Variants in C1orf94 observed in about 807,000 individuals in gnomAD.
C1orf94 encodes uncharacterized protein C1orf94.
In C1orf94, 45 loss-of-function variants were observed where a neutral mutation model predicts 53.6. The observed-to-expected ratio is 0.84, with a 90% CI of 0.66 to 1.08. C1orf94 has a LOEUF of 1.08. Among genes scored for constraint, C1orf94 ranks in the 50% least tolerant of loss-of-function variants. The probability of loss-of-function intolerance (pLI) is 0.00; values close to 1 mark genes in which losing one functional copy is unlikely to be tolerated. For synonymous variants in C1orf94, 304 were observed against 296.1 expected (o/e 1.03, Z -0.27); for missense variants, 762 against 738.9 (o/e 1.03, Z -0.36).
intron 5 of C1orf94, among the ~76,000 whole-genome samples, chr1:34,208,564 T>C (rs557521983): frequency 6.6e-6 from 1 of 152,296 alleles, no homozygotes; most frequent in South Asian, 2.1e-4. Context: ...GTAAGTAACT[T>C]GCCCAAAGTA....
At chr1:34,213,924 T>G (rs1456548303) in intron 6 of C1orf94, among the ~76,000 whole-genome samples, 1 of 152,004 alleles carries the variant, frequency 6.6e-6, no homozygotes, top group Non-Finnish European at 1.5e-5. Flanking sequence ...TCTCCCTCCC[T>G]TTCTCTTCCT....
At chr1:34,183,856 CA>C (rs1282682531) in intron 1 of C1orf94, among the ~76,000 whole-genome samples, 1,919 of 105,084 alleles carry the variant, frequency 0.018, 28 homozygotes, top group African/African-American at 0.052. Context: ...AACTCCGTCT[CA>C]AAAAAAAAAA....
rs759187584 is a variant in C1orf94 at position 34,197,622 on chromosome 1, C to T, written c.718C>T (p.Leu240=). The T allele has an allele frequency of 1.2e-6, 2 of 1,614,182 alleles. No individual in the cohort carries two copies. Among genetic ancestry groups the T allele is most frequent in the South Asian group, 1.1e-5 (1 of 91,088 alleles). The change falls in exon 2 of 7, where the codon CTG becomes TTG. Residue 240 remains leucine (L), a synonymous_variant. Coordinates refer to ENST00000488417, the MANE Select transcript of C1orf94 (RefSeq NM_001134734.2). The surrounding 1 kb of genome is among the most constrained non-coding windows in gnomAD (Gnocchi z 4.1). The part of the protein sequence containing the change: ...GDSNLQVSKL[L]SQFPLKSTET... Reference sequence around the variant, plus strand: ...CTCCAACTTGCAAGTCAGCAAGCTTCTGTCCCAGTTCCCACTGAAGTCCAC... The same window carrying T: ...CTCCAACTTGCAAGTCAGCAAGCTTTTGTCCCAGTTCCCACTGAAGTCCAC...
In C1orf94 at chr1:34,197,605, T is replaced by G. The variant is rs765568498; in HGVS notation, c.701T>G (p.Leu234Trp). Residue 234 changes from leucine to tryptophan, a missense_variant, in exon 2 of 7, where the codon TTG becomes TGG. Transcript: ENST00000488417. This position sits in a 1 kb window ranked among gnomAD's most constrained non-coding sequence, Gnocchi z 4.1. ...DRGRILGDSNLQVSKLLSQFP... is the reference protein window; with the variant it reads ...DRGRILGDSNWQVSKLLSQFP... Reference sequence around the variant, plus strand: ...GGCCGCATCCTAGGTGACTCCAACTTGCAAGTCAGCAAGCTTCTGTCCCAG... The same window carrying G: ...GGCCGCATCCTAGGTGACTCCAACTGGCAAGTCAGCAAGCTTCTGTCCCAG... 3.7e-6 allele frequency: 6 copies of G among 1,614,098 alleles called. No homozygotes were observed. The Admixed American group carries it at 1.0e-4, about 27-fold the overall frequency.
intron 4 of C1orf94, among the ~76,000 whole-genome samples, chr1:34,204,277 A>G (rs990710178): frequency 6.6e-6 from 1 of 152,152 alleles, no homozygotes; most frequent in African/African-American, 2.4e-5. Flanking sequence ...TTAGTTTCTG[A>G]ATCTTAAAGG....
upstream of C1orf94, among the ~76,000 whole-genome samples, chr1:34,172,668 C>A (rs1642166026): frequency 6.6e-6 from 1 of 152,234 alleles, no homozygotes; most frequent in African/African-American, 2.4e-5. Context: ...TGGCAGAGAT[C>A]ACCGATGGTG....
chr1:34,169,266 A>G (rs757856002), intron 1 of C1orf94, among the ~76,000 whole-genome samples: 5 of 152,280 alleles, frequency 3.3e-5, no homozygotes, highest in East Asian at 3.9e-4. Context: ...AGTCAAAGAC[A>G]TAACAGCCTA....
rs111962268 is a variant in C1orf94, at chr1:34,185,952, G to T, written c.320+7843G>T. 2.0e-3 allele frequency among the ~76,000 whole-genome samples: 302 copies of T among 152,350 alleles called. 2 individuals are homozygous for T. Among genetic ancestry groups the T allele is most frequent in the African/African-American group, 6.7e-3 (279 of 41,586 alleles). ...TGCATGTCACCTTGCCTTTGCTCAT[G>T]TTATTCCACTACCAGGAATGCCCTT... On this transcript the variant is annotated intron_variant, in intron 1 of 6. Coordinates refer to ENST00000488417, the MANE Select transcript of C1orf94 (RefSeq NM_001134734.2).
chr1:34,174,617 A>G (rs1003611261), upstream of C1orf94, among the ~76,000 whole-genome samples: 1 of 152,218 alleles, frequency 6.6e-6, no homozygotes, highest in Admixed American at 6.5e-5. Flanking sequence ...TACAGGGAAG[A>G]CCATGTGAGG....
intron 1 of C1orf94, among the ~76,000 whole-genome samples, chr1:34,182,119 A>G (rs1424514151): frequency 6.6e-6 from 1 of 152,242 alleles, no homozygotes; most frequent in Non-Finnish European, 1.5e-5. Context: ...ACTTGAGCTC[A>G]GGAAAGTCGA....
chr1:34,185,713 C>T (rs1008080574), intron 1 of C1orf94, among the ~76,000 whole-genome samples: 2 of 152,176 alleles, frequency 1.3e-5, no homozygotes, highest in Admixed American at 6.5e-5. Flanking sequence ...GCATTGGGTG[C>T]CTTTCCCTCC....
chr1:34,174,938 C>A (rs1571332924), upstream of C1orf94, among the ~76,000 whole-genome samples: 1 of 152,186 alleles, frequency 6.6e-6, no homozygotes, highest in Non-Finnish European at 1.5e-5. Flanking sequence ...AATATGGTAG[C>A]CACTAGCCAT....
At chr1:34,169,202 G>A (rs1642097839) in intron 1 of C1orf94, among the ~76,000 whole-genome samples, 1 of 152,132 alleles carries the variant, frequency 6.6e-6, no homozygotes, top group Non-Finnish European at 1.5e-5. Context: ...AAACATGGGG[G>A]CAAAGGCAGA....
rs1557475443 is a variant in C1orf94, at chr1:34,177,074, G to C, written c.-716G>C. Among the ~76,000 whole-genome samples, 1 of 152,250 alleles carries C rather than the reference G, an allele frequency of 6.6e-6. No homozygotes were observed. The highest frequency in any genetic ancestry group is 2.4e-5 in the African/African-American group (1 of 41,468). Reference sequence around the variant, plus strand: ...CTGGGCCCTTCCCGGTGCCCGCCTGGCAGCGCGGCGCGGCTGGGGCAGGGG... The same window carrying C: ...CTGGGCCCTTCCCGGTGCCCGCCTGCCAGCGCGGCGCGGCTGGGGCAGGGG... On this transcript the variant is annotated 5_prime_UTR_variant, in exon 1 of 7. Transcript: ENST00000488417.
At position 34,197,521 on chromosome 1, in the gene C1orf94, C is replaced by T. The variant is rs1351922249; in HGVS notation, c.617C>T (p.Thr206Ile). Reference sequence around the variant, plus strand: ...CAGGACTGTGATTCTGCCACTTCTACTGTCACAGACATTCTGTGTGCCGCC... The same window carrying T: ...CAGGACTGTGATTCTGCCACTTCTATTGTCACAGACATTCTGTGTGCCGCC... ...SRQDCDSATS[T>I]VTDILCAAEV... Residue 206 changes from threonine (T) to isoleucine (I), a missense_variant, in exon 2 of 7, where the codon ACT becomes ATT. Physicochemically the swap from Thr to Ile is moderately conservative, Grantham distance 89. Coordinates refer to ENST00000488417, the MANE Select transcript of C1orf94 (RefSeq NM_001134734.2). This position sits in a 1 kb window ranked among gnomAD's most constrained non-coding sequence, Gnocchi z 4.1. The T allele has an allele frequency of 6.2e-7, 1 of 1,614,164 alleles. No homozygotes were observed. Among genetic ancestry groups the T allele is most frequent in the Admixed American group, 1.7e-5 (1 of 60,028 alleles).
At chr1:34,213,844 AC>A (rs779139967) in intron 6 of C1orf94, among the ~76,000 whole-genome samples, 16 of 151,786 alleles carry the variant, frequency 1.1e-4, no homozygotes, top group Non-Finnish European at 1.9e-4. Flanking sequence ...CCCAGCATCC[AC>A]ATCCTTTTAA....
chr1:34,193,483 C>T (rs1459375818), intron 1 of C1orf94, among the ~76,000 whole-genome samples: 3 of 152,154 alleles, frequency 2.0e-5, no homozygotes, highest in Non-Finnish European at 2.9e-5. Flanking sequence ...TTCCTGAGTG[C>T]ATTCAGATTG....
At chr1:34,175,779 T>C (rs1642215809), upstream of C1orf94, among the ~76,000 whole-genome samples, 1 of 152,082 alleles carries the variant, frequency 6.6e-6, no homozygotes, top group Non-Finnish European at 1.5e-5. Context: ...ATTCCTCTCA[T>C]CCTTCTCAAA....
chr1:34,185,600 C>T (rs113564404), intron 1 of C1orf94, among the ~76,000 whole-genome samples: 3,496 of 152,298 alleles, frequency 0.023, 142 homozygotes, highest in African/African-American at 0.08. Flanking sequence ...CTTCCCTCCT[C>T]CAGCCTGCCA....
Sources: allele counts gnomAD v4.1 joint callset (sites outside exome capture counted in the v4.1 genomes callset), GRCh38; gene constraint gnomAD v4.1.1; non-coding constraint Gnocchi (gnomAD v3.1); transcripts MANE v1.5; gene names NCBI Gene and HGNC (gene_info 2026-07-23, HGNC 2026-07-21).